The following FAM171A1 variants were observed in gnomAD, a reference collection of about 807,000 sequenced individuals.
FAM171A1 encodes protein FAM171A1.
In FAM171A1, 23 loss-of-function variants were observed where a neutral mutation model predicts 74.9. That is an observed-to-expected ratio of 0.31 (90% confidence interval 0.22 to 0.44). FAM171A1 has a LOEUF of 0.44. Among genes scored for constraint, FAM171A1 ranks in the 20% least tolerant of loss-of-function variants. The pLI is 1.00. For synonymous variants in FAM171A1, 527 were observed against 505.7 expected, an observed-to-expected ratio of 1.04 and a Z score of -0.57; for missense variants, 1,162 against 1,159.2, an observed-to-expected ratio of 1.00 and a Z score of -0.03.
At chr10:15,263,793 TC>T (rs2131780478) in intron 3 of FAM171A1, among the ~76,000 whole-genome samples, 1 of 146,496 alleles carries the variant, frequency 6.8e-6, no homozygotes, top group African/African-American at 2.5e-5. Context: ...CTATCATCTA[TC>T]CATCTAATCT....
At chr10:15,252,148 C>T (rs764778087) in intron 4 of FAM171A1, among the ~76,000 whole-genome samples, 42 of 152,208 alleles carry the variant, frequency 2.8e-4, no homozygotes, top group Non-Finnish European at 4.8e-4. Context: ...GGGAACACCA[C>T]GGAACATTCT....
intron 1 of FAM171A1, among the ~76,000 whole-genome samples, chr10:15,368,814 A>G (rs1836097391): frequency 6.6e-6 from 1 of 152,226 alleles, no homozygotes; most frequent in Admixed American, 6.5e-5. Flanking sequence ...GCAAGTGAAC[A>G]TTAAGATGCT....
At chr10:15,263,021 A>C (rs1331711364) in intron 3 of FAM171A1, among the ~76,000 whole-genome samples, 2 of 152,198 alleles carry the variant, frequency 1.3e-5, no homozygotes, top group Non-Finnish European at 2.9e-5. Flanking sequence ...GTGTGCTGGG[A>C]AAAGCTTCCC....
intron 1 of FAM171A1, among the ~76,000 whole-genome samples, chr10:15,359,276 G>A (rs936988547): frequency 2.0e-5 from 3 of 152,092 alleles, no homozygotes; most frequent in South Asian, 2.1e-4. Flanking sequence ...TCACTCCTGG[G>A]GTCCTAAAGT....
chr10:15,332,823 T>C (rs946621511), intron 1 of FAM171A1, among the ~76,000 whole-genome samples: 55 of 152,258 alleles, frequency 3.6e-4, no homozygotes, highest in African/African-American at 1.3e-3. Context: ...AGTGAATCTG[T>C]CTGAGAATGG....
intron 1 of FAM171A1, among the ~76,000 whole-genome samples, chr10:15,358,455 C>T (rs1835958137): frequency 6.6e-6 from 1 of 152,134 alleles, no homozygotes; most frequent in Non-Finnish European, 1.5e-5. Flanking sequence ...TTACACGTAA[C>T]CTCATCTTTC....
At position 15,243,224 on chromosome 10, in the gene FAM171A1, C is replaced by T. The variant is rs532358152; in HGVS notation, c.754+5415G>A. On this transcript the variant is annotated intron_variant, in intron 5 of 7. Transcript: ENST00000378116. ...GCATGGCTCCGGCCTGCGCTCCCAT[C>T]CTCACACTGCCGTCTCCTAATCTGA... Among the ~76,000 whole-genome samples, 9 of 152,278 alleles carry T rather than the reference C, an allele frequency of 5.9e-5. No individual in the cohort carries two copies. In the South Asian group the frequency reaches 1.9e-3, roughly 32 times the overall value.
chr10:15,368,648 C>T (rs766702111), intron 1 of FAM171A1, among the ~76,000 whole-genome samples: 3 of 152,188 alleles, frequency 2.0e-5, no homozygotes, highest in Non-Finnish European at 2.9e-5. Context: ...TTGATGCTTA[C>T]CTACTCAGCA....
intron 5 of FAM171A1, among the ~76,000 whole-genome samples, chr10:15,234,488 G>A (rs1174078504): frequency 6.6e-6 from 1 of 152,154 alleles, no homozygotes; most frequent in Non-Finnish European, 1.5e-5. Flanking sequence ...TACAGCAAGA[G>A]GCTCGGGAAC....
At chr10:15,278,855 G>T (rs111903338) in intron 2 of FAM171A1, among the ~76,000 whole-genome samples, 2 of 152,122 alleles carry the variant, frequency 1.3e-5, no homozygotes, top group East Asian at 3.9e-4. Flanking sequence ...GGTAAATCCC[G>T]CATGACCACT....
At chr10:15,372,715 A>G (rs924470818), upstream of FAM171A1, among the ~76,000 whole-genome samples, 183 of 151,534 alleles carry the variant, frequency 1.2e-3, 1 homozygote, top group African/African-American at 4.2e-3. Flanking sequence ...AAAAAAAAAA[A>G]AAAATCAAAA....
intron 1 of FAM171A1, among the ~76,000 whole-genome samples, chr10:15,368,960 G>A (rs1836099361): frequency 6.6e-6 from 1 of 152,064 alleles, no homozygotes; most frequent in African/African-American, 2.4e-5. Flanking sequence ...CTGGGCTCAA[G>A]GCTTTAAAAA....
rs1284041656 is a variant in FAM171A1, at chr10:15,362,276, T to G, written c.97+8680A>C. Among the ~76,000 whole-genome samples the G allele has an allele frequency of 2.6e-5, 4 of 152,360 alleles. No homozygotes were observed. In the East Asian group the frequency reaches 7.7e-4, roughly 29 times the overall value. On this transcript the variant is annotated intron_variant, in intron 1 of 7. Transcript: ENST00000378116. ...TTGTCCAGGCTGTGCTGTAGCTACT[T>G]TAAATATTTGATCAACTAGGGCCTC...
intron 1 of FAM171A1, among the ~76,000 whole-genome samples, chr10:15,370,684 G>T (rs1183205501): frequency 1.3e-5 from 2 of 151,568 alleles, no homozygotes; most frequent in Non-Finnish European, 3.0e-5. Flanking sequence ...CGCCGCAGCG[G>T]CGACAGCAGC....
intron 4 of FAM171A1, among the ~76,000 whole-genome samples, chr10:15,254,460 A>C (rs939724308): frequency 3.3e-5 from 5 of 152,254 alleles, no homozygotes; most frequent in African/African-American, 1.2e-4. Flanking sequence ...AGTCCACCAA[A>C]GGAGAGCTCA....
chr10:15,292,824 T>C (rs17358476), intron 1 of FAM171A1, among the ~76,000 whole-genome samples: 19,468 of 152,096 alleles, frequency 0.13, 1,561 homozygotes, highest in Non-Finnish European at 0.18. Context: ...AGGATTTCTT[T>C]TAAACCACCA....
chr10:15,365,697 G>T (rs899825171), intron 1 of FAM171A1, among the ~76,000 whole-genome samples: 22 of 151,830 alleles, frequency 1.4e-4, no homozygotes, highest in African/African-American at 5.3e-4. Flanking sequence ...TTCAACCTGG[G>T]AGGCAGAGGT....
At chr10:15,255,951 ATGT>A (rs1383586653) in intron 3 of FAM171A1, among the ~76,000 whole-genome samples, 1 of 152,098 alleles carries the variant, frequency 6.6e-6, no homozygotes, top group African/African-American at 2.4e-5. Context: ...CCTGGCCCAG[ATGT>A]TGTTTTGATC....
At chr10:15,234,916 C>T (rs573569585) in intron 5 of FAM171A1, among the ~76,000 whole-genome samples, 67 of 152,210 alleles carry the variant, frequency 4.4e-4, no homozygotes, top group African/African-American at 1.0e-3. Context: ...CCTGCCTCGG[C>T]CCCCCAGAGT....
Sources: allele counts gnomAD v4.1 joint callset (sites outside exome capture counted in the v4.1 genomes callset), GRCh38; gene constraint gnomAD v4.1.1; transcripts MANE v1.5; gene names NCBI Gene and HGNC (gene_info 2026-07-23, HGNC 2026-07-21).